Variants in ITGA9 observed in about 807,000 individuals in gnomAD.
The protein encoded by ITGA9 is integrin subunit alpha 9, also known as integrin alpha-9.
ITGA9 carries 56 observed loss-of-function variants against 127.8 expected under a neutral mutation model. That is an observed-to-expected ratio of 0.44 (90% CI 0.35 to 0.55). ITGA9 has a LOEUF of 0.55. Among genes scored for constraint, ITGA9 ranks in the 20% least tolerant of loss-of-function variants. The pLI, the probability that ITGA9 is intolerant of heterozygous loss-of-function variation, is 0.00. For synonymous variants in ITGA9, 508 were observed against 514.5 expected (o/e 0.99, Z 0.17); for missense variants, 1,196 against 1,347.1 (o/e 0.89, Z 1.76).
At chr3:37,678,330 T>C (rs1221074153) in intron 17 of ITGA9, among the ~76,000 whole-genome samples, 1 of 152,244 alleles carries the variant, frequency 6.6e-6, no homozygotes, top group Non-Finnish European at 1.5e-5. Flanking sequence ...TTCTTGACAA[T>C]TCTTGTCTTC....
intron 15 of ITGA9, among the ~76,000 whole-genome samples, chr3:37,584,538 T>G (rs1344895534): frequency 1.3e-5 from 2 of 152,106 alleles, no homozygotes; most frequent in Non-Finnish European, 2.9e-5. Context: ...AGGTGGATCA[T>G]GAGGTCAAGA....
intron 18 of ITGA9, among the ~76,000 whole-genome samples, chr3:37,696,261 G>A (rs1700883665): frequency 6.6e-6 from 1 of 152,178 alleles, no homozygotes; most frequent in South Asian, 2.1e-4. Flanking sequence ...GCAGGGCAGA[G>A]ACCTGAGAGA....
At chr3:37,659,940 G>C (rs1338876071) in intron 17 of ITGA9, among the ~76,000 whole-genome samples, 1 of 151,782 alleles carries the variant, frequency 6.6e-6, no homozygotes, top group African/African-American at 2.4e-5. Context: ...GTAATACTAA[G>C]ATTCCTTTTC....
In ITGA9 at chr3:37,523,614, A is replaced by G. The variant is rs1699065614; in HGVS notation, c.1327+3A>G. The G allele has an allele frequency of 6.2e-7, 1 of 1,605,362 alleles. No homozygotes were observed. The highest frequency in any genetic ancestry group is 8.5e-7 in the Non-Finnish European group (1 of 1,172,026). ...TATGGATGGAAATGGCTATCCTGGT[A>G]AGCTGTTTTTCTTTAAAGGCACATG... On this transcript the variant is annotated splice_donor_region_variant and intron_variant, in intron 12 of 27. Coordinates refer to ENST00000264741, the MANE Select transcript of ITGA9 (RefSeq NM_002207.3).
intron 18 of ITGA9, among the ~76,000 whole-genome samples, chr3:37,694,504 G>C (rs893482209): frequency 6.6e-6 from 1 of 152,234 alleles, no homozygotes; most frequent in Non-Finnish European, 1.5e-5. Context: ...GTATTCCGCC[G>C]CGGGGCTCAG....
intron 27 of ITGA9, among the ~76,000 whole-genome samples, chr3:37,816,847 C>A (rs929850029): frequency 2.0e-5 from 3 of 152,172 alleles, no homozygotes; most frequent in African/African-American, 7.2e-5. Context: ...AAGACTCTTG[C>A]CAGTTGTTCT....
In ITGA9 at chr3:37,814,007, A is replaced by G. The variant is rs1176362042; in HGVS notation, c.3010-4884A>G. Among the ~76,000 whole-genome samples the G allele has an allele frequency of 6.6e-6, 1 of 152,248 alleles. No individual in the cohort carries two copies. The highest frequency in any genetic ancestry group is 1.5e-5 in the Non-Finnish European group (1 of 68,044). ...TTTTATTTGTTTCTTTCAAAAATTA[A>G]CAGATTTTTAAAAATTGAAAATTGA... On this transcript the variant is annotated intron_variant, in intron 27 of 27. Coordinates refer to ENST00000264741, the MANE Select transcript of ITGA9 (RefSeq NM_002207.3). This position sits in a 1 kb window ranked among gnomAD's most constrained non-coding sequence, Gnocchi z 4.3.
chr3:37,763,539 C>T (rs979021070), intron 23 of ITGA9, among the ~76,000 whole-genome samples: 6 of 152,186 alleles, frequency 3.9e-5, no homozygotes, highest in Non-Finnish European at 7.3e-5. Context: ...GAGTTTTCTG[C>T]CACAATGTGA....
At chr3:37,532,005 G>A (rs1262086782) in intron 13 of ITGA9, among the ~76,000 whole-genome samples, 1 of 152,154 alleles carries the variant, frequency 6.6e-6, no homozygotes, top group African/African-American at 2.4e-5. Context: ...TTTATAGGGT[G>A]TCCATTGGCA....
intron 4 of ITGA9, 31 bp from the exon 5 acceptor site, chr3:37,494,470 G>A (rs1360006593): frequency 1.3e-6 from 2 of 1,499,274 alleles, no homozygotes; most frequent in Non-Finnish European, 1.9e-6. Context: ...ACATGGCTGT[G>A]GTTTGCTTCT....
At chr3:37,548,249 G>A (rs1302622345) in intron 15 of ITGA9, among the ~76,000 whole-genome samples, 1 of 152,156 alleles carries the variant, frequency 6.6e-6, no homozygotes, top group Non-Finnish European at 1.5e-5. Context: ...TCTGGAAAAG[G>A]CCAACTAAGG....
intron 14 of ITGA9, 23 bp downstream of exon 14, chr3:37,533,491 C>T: frequency 6.2e-7 from 1 of 1,612,422 alleles, no homozygotes; most frequent in South Asian, 1.1e-5. Flanking sequence ...CAAGTCAGGG[C>T]TCAGGATACC....
chr3:37,559,637 C>T (rs77369739), intron 15 of ITGA9, among the ~76,000 whole-genome samples: 1 of 152,270 alleles, frequency 6.6e-6, no homozygotes, highest in East Asian at 1.9e-4. Flanking sequence ...GTTGCACGTG[C>T]CTGTCCAGCT....
At chr3:37,554,268 A>G (rs1167608861) in intron 15 of ITGA9, among the ~76,000 whole-genome samples, 1 of 152,018 alleles carries the variant, frequency 6.6e-6, no homozygotes, top group Non-Finnish European at 1.5e-5. Context: ...GTGTGATTTG[A>G]GCAAAGCATG....
intron 27 of ITGA9, among the ~76,000 whole-genome samples, chr3:37,815,943 G>A (rs972149658): frequency 6.6e-6 from 1 of 152,132 alleles, no homozygotes. Flanking sequence ...CTCTTAGCAG[G>A]TTAGACATAG....
chr3:37,667,483 GC>G (rs1328182883), intron 17 of ITGA9, among the ~76,000 whole-genome samples: 11 of 152,180 alleles, frequency 7.2e-5, no homozygotes, highest in African/African-American at 2.7e-4. Flanking sequence ...ACGTCCACAG[GC>G]AGAGAGGATA....
rs1575254833 is a variant in ITGA9 at position 37,820,241 on chromosome 3, G to C, written c.*1252G>C. 6.6e-6 allele frequency: 1 copy of C among 152,268 alleles called. No individual in the cohort carries two copies. Among genetic ancestry groups the C allele is most frequent in the East Asian group, 1.9e-4 (1 of 5,172 alleles). 9.4% of individuals were successfully genotyped at this position (152,268 alleles called of 1,614,324 possible). ...TGAAGTTTAGCCTCAGCCTGATCAG[G>C]GGAACTCCGGAGGAAAAGTTAGGCC... On this transcript the variant is annotated 3_prime_UTR_variant, in exon 28 of 28. Transcript: ENST00000264741.
chr3:37,605,763 C>T (rs761090115), intron 15 of ITGA9, among the ~76,000 whole-genome samples: 4 of 152,028 alleles, frequency 2.6e-5, no homozygotes, highest in Non-Finnish European at 4.4e-5. Flanking sequence ...TATTACAGTC[C>T]GAGACTAAAA....
intron 16 of ITGA9, among the ~76,000 whole-genome samples, chr3:37,637,821 C>T (rs769462840): frequency 3.3e-5 from 5 of 152,106 alleles, no homozygotes; most frequent in Non-Finnish European, 7.4e-5. Flanking sequence ...TACAGGTGCA[C>T]GCCACTATGC....
Sources: allele counts gnomAD v4.1 joint callset (sites outside exome capture counted in the v4.1 genomes callset), GRCh38; gene constraint gnomAD v4.1.1; non-coding constraint Gnocchi (gnomAD v3.1); transcripts MANE v1.5; gene names NCBI Gene and HGNC (gene_info 2026-07-23, HGNC 2026-07-21).